COQ8B: variants seen among roughly 807,000 people sequenced by gnomAD.
COQ8B encodes coenzyme Q8B, also known as atypical kinase COQ8B, mitochondrial.
A neutral mutation model predicts 62.0 loss-of-function variants in COQ8B; 44 were observed. The observed-to-expected ratio is 0.71, with a 90% CI of 0.56 to 0.91. The LOEUF is 0.91. COQ8B is among the 40% of genes least tolerant of loss of function. The pLI is 0.00. For synonymous variants in COQ8B, 252 were observed against 289.9 expected (o/e 0.87, Z 1.33); for missense variants, 649 against 731.6 (o/e 0.89, Z 1.30).
intron 1 of COQ8B, chr19:40,715,604 T>TTG: frequency 1.0e-6 from 1 of 985,408 alleles, no homozygotes; most frequent in Non-Finnish European, 1.2e-6. Context: ...GCCAACTGTT[T>TTG]CCCGCTCACG....
At chr19:40,705,663 G>T (rs543046517) in intron 5 of COQ8B, among the ~76,000 whole-genome samples, 1 of 152,312 alleles carries the variant, frequency 6.6e-6, no homozygotes, top group African/African-American at 2.4e-5. Context: ...AAATACGGAG[G>T]CCAGGCTTGT....
rs200743459 is a variant in COQ8B at position 40,693,018 on chromosome 19, T to C, written c.1229A>G (p.Asp410Gly). The stretch of plus-strand genomic sequence containing the variant: ...CTGCAGGACACAGTCTCTGTCTCCA[T>C]CAGCTGCAGCCTTCACCACCTGGGG... ...HYIEVVKAAA[D>G]GDRDCVLQKS... Residue 410 changes from aspartate to glycine, a missense_variant, in exon 14 of 15, where the codon GAT becomes GGT. Physicochemically the swap from Asp to Gly is moderately conservative, Grantham distance 94. Transcript: ENST00000324464. 1.2e-6 allele frequency: 2 copies of C among 1,613,876 alleles called. No individual in the cohort carries two copies. The highest frequency in any genetic ancestry group is 1.7e-6 in the Non-Finnish European group (2 of 1,179,862).
intron 13 of COQ8B, among the ~76,000 whole-genome samples, chr19:40,693,941 C>T (rs559195869): frequency 1.3e-5 from 2 of 152,266 alleles, no homozygotes; most frequent in Admixed American, 6.5e-5. Context: ...ATTCCATTCC[C>T]TCTCTGCTCC....
chr19:40,714,231 C>T (rs962365057), intron 3 of COQ8B, 47 bp downstream of exon 3: 2 of 1,606,314 alleles, frequency 1.2e-6, no homozygotes, highest in Non-Finnish European at 1.7e-6. Context: ...GCTCAGGGGG[C>T]CAGCAGTATT....
chr19:40,703,348 T>A (rs2082075870), intron 9 of COQ8B, 193 bp downstream of exon 9: 1 of 598,438 alleles, frequency 1.7e-6, no homozygotes, highest in Admixed American at 3.2e-5. Flanking sequence ...TCTGTTAAAA[T>A]CCATAAGGCT....
rs1290469308 is a variant in COQ8B, at chr19:40,700,335, C to A, written c.1010G>T (p.Gly337Val). 6.2e-7 allele frequency: 1 copy of A among 1,614,134 alleles called. No homozygotes were observed. Among genetic ancestry groups the A allele is most frequent in the Non-Finnish European group, 8.5e-7 (1 of 1,180,010 alleles). ...CTGGTTCCGCAGGTCCTGGCTTAGGCCCTGGCACTGGTCCAGGGGGACCCC... is the reference window on the plus strand; with the variant it reads ...CTGGTTCCGCAGGTCCTGGCTTAGGACCTGGCACTGGTCCAGGGGGACCCC... ...AGGVPLDQCQ[G>V]LSQDLRNQIC... Residue 337 changes from glycine (G) to valine (V), a missense_variant, in exon 11 of 15, where the codon GGC (glycine) becomes GTC (valine). Physicochemically the swap from Gly to Val is moderately radical, Grantham distance 109. Coordinates refer to ENST00000324464, the MANE Select transcript of COQ8B (RefSeq NM_024876.4).
intron 9 of COQ8B, 67 bp downstream of exon 9, chr19:40,703,474 C>T: frequency 6.7e-7 from 1 of 1,481,836 alleles, no homozygotes. Context: ...TGGGCTCCCC[C>T]TCCTGCTTTC....
intron 9 of COQ8B, 173 bp downstream of exon 9, chr19:40,703,368 C>T: frequency 1.5e-6 from 1 of 660,758 alleles, no homozygotes; most frequent in Non-Finnish European, 2.5e-6. Context: ...TTTTCCCACA[C>T]CTGCTCATGC....
rs530695406 is a variant in COQ8B, at chr19:40,714,118, G to A, written c.238C>T (p.Arg80Ter). ...CGGGAGGCAGGCACCTTGCGTTCTC[G>A]AGAGCGGTCACTCAGCTGGGAAATG... ...TPRPQLSDRS[R>*]ERKVPASRIS... The change falls in exon 4 of 15, where the codon CGA (arginine) becomes TGA (stop). Residue 80 changes from arginine to a stop codon, truncating the protein, a stop_gained. Transcript: ENST00000324464. LOFTEE classifies it high-confidence loss of function. 2.5e-6 allele frequency: 4 copies of A among 1,614,160 alleles called. No homozygotes were observed. The African/African-American group carries it at 4.0e-5, about 16-fold the overall frequency.
intron 4 of COQ8B, among the ~76,000 whole-genome samples, chr19:40,713,810 G>A (rs1446849928): frequency 2.0e-5 from 3 of 150,722 alleles, no homozygotes; most frequent in East Asian, 1.9e-4. Flanking sequence ...CTTGAGCCCA[G>A]AAGTTTGAGG....
At chr19:40,697,876 A>AGAGAGAGAGAGAGAGTGT (rs1316282364) in intron 12 of COQ8B, among the ~76,000 whole-genome samples, 2 of 71,206 alleles carry the variant, frequency 2.8e-5, no homozygotes, top group African/African-American at 1.0e-4. Flanking sequence ...AGAGAGAGAG[A>AGAGAGAGAGAGAGAGTGT]GTTTCTACTG....
chr19:40,710,235 C>T (rs2082130353), intron 4 of COQ8B, 99 bp from the exon 5 acceptor site: 3 of 1,108,728 alleles, frequency 2.7e-6, no homozygotes, highest in South Asian at 1.3e-5. Flanking sequence ...TGCTTGTCTC[C>T]CAACTCTTTT....
chr19:40,707,669 G>A (rs770151127), intron 5 of COQ8B, among the ~76,000 whole-genome samples: 1 of 152,128 alleles, frequency 6.6e-6, no homozygotes, highest in Non-Finnish European at 1.5e-5. Context: ...TGGACAGGCT[G>A]GTCTTGAACT....
chr19:40,704,822 GT>G, intron 7 of COQ8B: 1 of 402,212 alleles, frequency 2.5e-6, no homozygotes, highest in Non-Finnish European at 4.6e-6. Flanking sequence ...AGTGCTCAGT[GT>G]AAACTGATTT....
Position 40,703,580 on chromosome 19 carries a change from G to A in COQ8B, c.760C>T (p.Leu254=). The part of the protein sequence containing the change: ...AQSIQSDVQN[L]LAVLKMSAAL... Reference sequence around the variant, plus strand: ...GCGCTCATCTTGAGTACCGCCAGCAGGTTCTGGACATCGCTCTGAATGCTC... The same window carrying A: ...GCGCTCATCTTGAGTACCGCCAGCAAGTTCTGGACATCGCTCTGAATGCTC... The change falls in exon 9 of 15, where the codon CTG becomes TTG. Residue 254 remains leucine, a synonymous_variant. Transcript: ENST00000324464. 6.2e-7 allele frequency: 1 copy of A among 1,610,688 alleles called. No individual in the cohort carries two copies. The highest frequency in any genetic ancestry group is 8.5e-7 in the Non-Finnish European group (1 of 1,177,582).
intron 10 of COQ8B, among the ~76,000 whole-genome samples, chr19:40,702,192 C>A (rs1012655337): frequency 2.0e-5 from 3 of 152,182 alleles, no homozygotes; most frequent in African/African-American, 7.2e-5. Flanking sequence ...AACCTGTTCT[C>A]AAAATGCTTC....
chr19:40,695,543 C>T (rs2082008363), intron 13 of COQ8B, among the ~76,000 whole-genome samples: 1 of 152,068 alleles, frequency 6.6e-6, no homozygotes. Flanking sequence ...CACACCTGGG[C>T]TGGACACCAG....
intron 1 of COQ8B, chr19:40,714,961 T>C (rs1036590866): frequency 1.4e-4 from 155 of 1,076,108 alleles, no homozygotes; most frequent in Non-Finnish European, 1.5e-4. Flanking sequence ...CGCCTTCCCC[T>C]CTGTTGGCCC....
In COQ8B at chr19:40,691,893, G is replaced by A. The variant is rs946537636; in HGVS notation, c.*142C>T. 20 of 754,134 alleles carry A rather than the reference G, an allele frequency of 2.7e-5. No individual in the cohort carries two copies. The highest frequency in any genetic ancestry group is 3.4e-5 in the Non-Finnish European group (18 of 531,480). The allele number at this position is 754,134 out of a possible 1,614,324, so 46.7% of individuals were successfully genotyped here. ...GGAGTTCCCCAGCCCCAGGGATCCT[G>A]AGCTCCTGGGCCAAGGAGGAGAGCC... is the stretch of plus-strand genomic sequence containing the variant. On this transcript the variant is annotated 3_prime_UTR_variant, in exon 15 of 15. Transcript: ENST00000324464.
Sources: allele counts gnomAD v4.1 joint callset (sites outside exome capture counted in the v4.1 genomes callset), GRCh38; gene constraint gnomAD v4.1.1; transcripts MANE v1.5; gene names NCBI Gene and HGNC (gene_info 2026-07-23, HGNC 2026-07-21).